MLLT3: variants seen among roughly 807,000 people sequenced by gnomAD.
MLLT3 encodes the protein protein AF-9.
A neutral mutation model predicts 53.2 loss-of-function variants in MLLT3; 4 were observed. That is an observed-to-expected ratio of 0.08 (90% CI 0.04 to 0.17). The LOEUF (loss-of-function observed/expected upper bound fraction) is 0.17. MLLT3 is among the 10% of genes least tolerant of loss of function. The pLI, the probability that MLLT3 is intolerant of heterozygous loss-of-function variation, is 1.00. For missense variants in MLLT3, 569 were observed against 684.0 expected (o/e 0.83, Z 1.87); for synonymous variants, 283 against 230.6 (o/e 1.23, Z -2.06).
chr9:20,509,340 T>C (rs751961599), intron 2 of MLLT3, among the ~76,000 whole-genome samples: 4 of 152,192 alleles, frequency 2.6e-5, no homozygotes, highest in Non-Finnish European at 5.9e-5. Context: ...GGTATATTTA[T>C]TCTGTTCAAA....
At chr9:20,358,336 C>T (rs896421266) in intron 8 of MLLT3, among the ~76,000 whole-genome samples, 8 of 152,100 alleles carry the variant, frequency 5.3e-5, no homozygotes, top group African/African-American at 9.7e-5. Context: ...TGGAAGCATA[C>T]GGACTTTCTT....
chr9:20,411,164 T>C (rs1452942530), intron 5 of MLLT3: 1 of 152,550 alleles, frequency 6.6e-6, no homozygotes, highest in South Asian at 2.1e-4. Context: ...CAGGGGATAC[T>C]TGTAACGGAG....
intron 2 of MLLT3, among the ~76,000 whole-genome samples, chr9:20,591,463 C>T (rs1357548537): frequency 6.6e-6 from 1 of 152,032 alleles, no homozygotes; most frequent in African/African-American, 2.4e-5. Flanking sequence ...GCCTGGCCCA[C>T]AAAATGAACT....
At position 20,448,373 on chromosome 9, in the gene MLLT3, T is replaced by A. The variant is rs1823758090; in HGVS notation, c.277-107A>T. On this transcript the variant is annotated intron_variant, in intron 3 of 10. Coordinates refer to ENST00000380338, the MANE Select transcript of MLLT3 (RefSeq NM_004529.4). This position sits in a 1 kb window ranked among gnomAD's most constrained non-coding sequence, Gnocchi z 4.0. ...AGAAATAGAAAAGAACTAAGACATC[T>A]AACAGCTAAACTGTCAAAGTAGTAC... The A allele has an allele frequency of 2.0e-6, 2 of 978,772 alleles. No homozygotes were observed. The highest frequency in any genetic ancestry group is 1.6e-5 in the African/African-American group (1 of 60,918). The allele number at this position is 978,772 out of a possible 1,614,324, so 60.6% of individuals were successfully genotyped here.
At chr9:20,548,408 GCC>G (rs1412147701) in intron 2 of MLLT3, among the ~76,000 whole-genome samples, 1 of 152,204 alleles carries the variant, frequency 6.6e-6, no homozygotes, top group Non-Finnish European at 1.5e-5. Flanking sequence ...TCTCTGAAAA[GCC>G]ATCAGCATTT....
intron 2 of MLLT3, among the ~76,000 whole-genome samples, chr9:20,609,860 C>T (rs78163887): frequency 0.016 from 2,362 of 152,178 alleles, 28 homozygotes; most frequent in Non-Finnish European, 0.025. Context: ...CACTGATGTT[C>T]ATATATTGGT....
intron 5 of MLLT3, among the ~76,000 whole-genome samples, chr9:20,386,610 A>G (rs1387530256): frequency 6.6e-6 from 1 of 152,120 alleles, no homozygotes; most frequent in Non-Finnish European, 1.5e-5. Flanking sequence ...GAAGTGACAG[A>G]CTCCATCCCA....
intron 2 of MLLT3, among the ~76,000 whole-genome samples, chr9:20,604,757 T>C (rs73647604): frequency 0.031 from 4,770 of 152,216 alleles, 259 homozygotes; most frequent in African/African-American, 0.11. Context: ...CACTGGTCTT[T>C]AGTAACCAGA....
rs1369557023 is a variant in MLLT3, at chr9:20,621,011, A to ACCCG, written c.13-181_13-178dup. ...GCGCACACTCCACACCCCCAAATAT[A>ACCCG]CCCGCCCGCCCGGCCCGGCTTGGCC... On this transcript the variant is annotated intron_variant, in intron 1 of 10. Transcript: ENST00000380338. This position sits in a 1 kb window ranked among gnomAD's most constrained non-coding sequence, Gnocchi z 7.0. 1.3e-6 allele frequency: 1 copy of ACCCG among 766,580 alleles called. No homozygotes were observed. The highest frequency in any genetic ancestry group is 1.7e-5 in the African/African-American group (1 of 57,676). 47.5% of individuals were successfully genotyped at this position (766,580 alleles called of 1,614,324 possible).
At chr9:20,591,628 A>C (rs1454808191) in intron 2 of MLLT3, among the ~76,000 whole-genome samples, 1 of 152,212 alleles carries the variant, frequency 6.6e-6, no homozygotes, top group Non-Finnish European at 1.5e-5. Flanking sequence ...ACAAAGAATC[A>C]CCTGAAAATT....
chr9:20,431,365 T>G (rs1823263805), intron 4 of MLLT3, among the ~76,000 whole-genome samples: 1 of 152,086 alleles, frequency 6.6e-6, no homozygotes, highest in Non-Finnish European at 1.5e-5. Context: ...TCCAGGTAAT[T>G]CTCATGTACC....
intron 2 of MLLT3, among the ~76,000 whole-genome samples, chr9:20,617,124 G>A (rs1342558203): frequency 1.3e-5 from 2 of 152,220 alleles, no homozygotes; most frequent in East Asian, 1.9e-4. Context: ...AATAACACTC[G>A]CTGAATCTAT....
chr9:20,483,698 C>CTTTTTT (rs10538657), intron 2 of MLLT3, among the ~76,000 whole-genome samples: 2 of 68,942 alleles, frequency 2.9e-5, no homozygotes, highest in African/African-American at 6.2e-5. Flanking sequence ...CAGTAAAACT[C>CTTTTTT]TTTTTTTTTT....
chr9:20,514,715 G>A (rs540357946), intron 2 of MLLT3, among the ~76,000 whole-genome samples: 1 of 151,958 alleles, frequency 6.6e-6, no homozygotes, highest in South Asian at 2.1e-4. Flanking sequence ...AAACTGTTAG[G>A]GCTTTATTTG....
At chr9:20,409,698 A>G (rs1249483014) in intron 5 of MLLT3, among the ~76,000 whole-genome samples, 1 of 152,210 alleles carries the variant, frequency 6.6e-6, no homozygotes, top group African/African-American at 2.4e-5. Context: ...CTCACCCACT[A>G]TAACACAGTC....
At chr9:20,490,566 A>T (rs1291891802) in intron 2 of MLLT3, among the ~76,000 whole-genome samples, 2 of 152,202 alleles carry the variant, frequency 1.3e-5, no homozygotes, top group Non-Finnish European at 1.5e-5. Context: ...CTGGGAGCAG[A>T]TTCTTCCCAG....
In MLLT3 at chr9:20,554,610, ATATACTT is replaced by A. The variant is rs527805767; in HGVS notation, c.193+66037_193+66043del. Among the ~76,000 whole-genome samples the A allele has an allele frequency of 1.1e-4, 17 of 152,326 alleles. No individual in the cohort carries two copies. The East Asian group carries it at 3.3e-3, about 29-fold the overall frequency. On this transcript the variant is annotated intron_variant, in intron 2 of 10. Coordinates refer to ENST00000380338, the MANE Select transcript of MLLT3 (RefSeq NM_004529.4). ...AGTTCAGCAAAACAAAGCTGATTATATATACTTTAAACTTTTAACTGACTTCACTTAC... is the reference window on the plus strand; with the variant it reads ...AGTTCAGCAAAACAAAGCTGATTATATAAACTTTTAACTGACTTCACTTAC...
chr9:20,377,529 T>G (rs1172409114), intron 5 of MLLT3, among the ~76,000 whole-genome samples: 2 of 152,128 alleles, frequency 1.3e-5, no homozygotes, highest in Admixed American at 6.5e-5. Context: ...AAGATATATA[T>G]CTGAAGAGAT....
intron 10 of MLLT3, among the ~76,000 whole-genome samples, chr9:20,350,321 C>A (rs565688989): frequency 4.6e-5 from 7 of 152,264 alleles, no homozygotes; most frequent in Non-Finnish European, 8.8e-5. Context: ...GGCGGCCGGG[C>A]GCGGTGGCTC....
Sources: allele counts gnomAD v4.1 joint callset (sites outside exome capture counted in the v4.1 genomes callset), GRCh38; gene constraint gnomAD v4.1.1; non-coding constraint Gnocchi (gnomAD v3.1); transcripts MANE v1.5; gene names NCBI Gene and HGNC (gene_info 2026-07-23, HGNC 2026-07-21).